The following ATP8A1 variants were observed in gnomAD, a reference collection of about 807,000 sequenced individuals.
ATP8A1 encodes the protein phospholipid-transporting ATPase IA.
In ATP8A1, 90 loss-of-function variants were observed where a neutral mutation model predicts 177.7. That is an observed-to-expected ratio of 0.51 (90% CI 0.43 to 0.60). The LOEUF is 0.60. Ranked by LOEUF, ATP8A1 falls within the 20% of genes least tolerant of loss-of-function variation. The probability of loss-of-function intolerance (pLI) is 0.00; values close to 1 mark genes in which losing one functional copy is unlikely to be tolerated. For missense variants in ATP8A1, 1,072 were observed against 1,392.8 expected (o/e 0.77, Z 3.67); for synonymous variants, 493 against 485.9 (o/e 1.01, Z -0.19).
intron 1 of ATP8A1, among the ~76,000 whole-genome samples, chr4:42,648,431 C>G (rs1488677085): frequency 6.6e-6 from 1 of 152,002 alleles, no homozygotes; most frequent in Non-Finnish European, 1.5e-5. Context: ...CATACGGAAG[C>G]ACCTCAAATC....
intron 35 of ATP8A1, among the ~76,000 whole-genome samples, chr4:42,420,384 A>G (rs1348986939): frequency 6.6e-6 from 1 of 152,226 alleles, no homozygotes; most frequent in African/African-American, 2.4e-5. Context: ...CTAAATAGCT[A>G]TTTTAGGCAA....
chr4:42,592,505 T>C (rs1216337568), intron 6 of ATP8A1, among the ~76,000 whole-genome samples: 4 of 152,142 alleles, frequency 2.6e-5, no homozygotes, highest in Non-Finnish European at 4.4e-5. Context: ...TATTTAACGG[T>C]TCAGCCTATA....
intron 4 of ATP8A1, among the ~76,000 whole-genome samples, chr4:42,623,006 T>C (rs1189882124): frequency 1.3e-5 from 1 of 77,916 alleles, no homozygotes; most frequent in Non-Finnish European, 3.3e-5. Context: ...CGAAACTCTG[T>C]CTCAAAAAAA....
chr4:42,454,568 C>T (rs1718273563), intron 29 of ATP8A1, among the ~76,000 whole-genome samples: 1 of 152,142 alleles, frequency 6.6e-6, no homozygotes, highest in African/African-American at 2.4e-5. Flanking sequence ...TTCCTCCTCA[C>T]TCACATTAAA....
chr4:42,448,875 G>A (rs1386167868), intron 30 of ATP8A1, among the ~76,000 whole-genome samples: 22 of 122,832 alleles, frequency 1.8e-4, no homozygotes, highest in African/African-American at 4.0e-4. Context: ...TTGTTCTGTC[G>A]CCCAGGCTGG....
At chr4:42,608,363 A>ATTT (rs748536968) in intron 5 of ATP8A1, among the ~76,000 whole-genome samples, 2 of 138,634 alleles carry the variant, frequency 1.4e-5, no homozygotes, top group Non-Finnish European at 1.5e-5. Flanking sequence ...CAATAATATC[A>ATTT]TTTTTTTTTT....
chr4:42,507,729 C>CAAAAAAAAAAAAAAAAAAA (rs34269384), intron 22 of ATP8A1, among the ~76,000 whole-genome samples: 1 of 8,908 alleles, frequency 1.1e-4, no homozygotes, highest in Non-Finnish European at 2.6e-4. Context: ...GACTCCATCT[C>CAAAAAAAAAAAAAAAAAAA]AAAAAAAAAA....
At chr4:42,656,785 C>T in intron 1 of ATP8A1, 40 bp downstream of exon 1, 23 of 1,520,288 alleles carry the variant, frequency 1.5e-5, no homozygotes, top group Non-Finnish European at 2.0e-5. Flanking sequence ...ACACTCGCTT[C>T]CCGACCCCGG....
At chr4:42,553,047 A>G (rs1729671245) in intron 16 of ATP8A1, among the ~76,000 whole-genome samples, 1 of 152,226 alleles carries the variant, frequency 6.6e-6, no homozygotes, top group African/African-American at 2.4e-5. Flanking sequence ...GCTGTTATAC[A>G]CTGGGGGTGT....
At chr4:42,476,730 TTC>T (rs1721106359) in intron 25 of ATP8A1, among the ~76,000 whole-genome samples, 1 of 152,112 alleles carries the variant, frequency 6.6e-6, no homozygotes, top group Admixed American at 6.6e-5. Flanking sequence ...AGCCAATGAT[TTC>T]TGTTTAAGGA....
chr4:42,529,525 C>G lies in ATP8A1; in HGVS notation c.1723-4678G>C, dbSNP rs543265385. Among the ~76,000 whole-genome samples, 3 of 152,308 alleles carry G rather than the reference C, an allele frequency of 2.0e-5. No homozygotes were observed. In the East Asian group the frequency reaches 5.8e-4, roughly 29 times the overall value. On this transcript the variant is annotated intron_variant, in intron 20 of 36. Transcript: ENST00000381668. ...TGGTATATACGTGATCAGGCTTGAG[C>G]AGGTCCTGAAGGCACAAGTAAGTTA...
At chr4:42,442,043 T>C (rs1326448164) in intron 33 of ATP8A1, among the ~76,000 whole-genome samples, 1 of 152,076 alleles carries the variant, frequency 6.6e-6, no homozygotes, top group Non-Finnish European at 1.5e-5. Flanking sequence ...CAGGCAAGGG[T>C]AGAATTATAT....
chr4:42,611,977 C>G (rs1577700014), intron 5 of ATP8A1, among the ~76,000 whole-genome samples: 1 of 152,094 alleles, frequency 6.6e-6, no homozygotes, highest in East Asian at 1.9e-4. Context: ...AGGTTAGATA[C>G]AAGGAAAATG....
intron 1 of ATP8A1, among the ~76,000 whole-genome samples, chr4:42,645,602 A>C (rs931589721): frequency 1.3e-5 from 2 of 152,328 alleles, no homozygotes; most frequent in East Asian, 3.9e-4. Flanking sequence ...TATCTAATTC[A>C]CTATGAAGCC....
Position 42,440,619 on chromosome 4 carries a change from T to C in ATP8A1, c.3123+2946A>G, listed in dbSNP as rs909383973. On this transcript the variant is annotated intron_variant, in intron 33 of 36. Coordinates refer to ENST00000381668, the MANE Select transcript of ATP8A1 (RefSeq NM_006095.2). ...CAGAAGAATCTCAATAGCTGTTGGA[T>C]TGATTGATTGAAAAAAAATATATAT... Among the ~76,000 whole-genome samples, 8 of 152,134 alleles carry C rather than the reference T, an allele frequency of 5.3e-5. No individual in the cohort carries two copies. The South Asian group carries it at 1.7e-3, about 32-fold the overall frequency.
intron 9 of ATP8A1, among the ~76,000 whole-genome samples, chr4:42,583,397 G>A (rs1158110045): frequency 6.6e-6 from 1 of 152,182 alleles, no homozygotes; most frequent in East Asian, 1.9e-4. Flanking sequence ...GGGGCCTTGG[G>A]CCTAAAGTGG....
chr4:42,483,007 T>C (rs1370475577), intron 25 of ATP8A1, among the ~76,000 whole-genome samples: 1 of 152,138 alleles, frequency 6.6e-6, no homozygotes, highest in African/African-American at 2.4e-5. Flanking sequence ...TGGAGTAAAA[T>C]AGAGAATTTC....
intron 35 of ATP8A1, among the ~76,000 whole-genome samples, chr4:42,421,098 G>A (rs1220809902): frequency 6.6e-6 from 1 of 152,106 alleles, no homozygotes; most frequent in African/African-American, 2.4e-5. Flanking sequence ...TTTATCGCTA[G>A]AGAAAGAGAA....
intron 29 of ATP8A1, among the ~76,000 whole-genome samples, chr4:42,452,616 G>A (rs1412817244): frequency 2.6e-5 from 4 of 152,082 alleles, no homozygotes; most frequent in Non-Finnish European, 5.9e-5. Context: ...CTTTACTAAA[G>A]GCTTTCACAA....
Sources: allele counts gnomAD v4.1 joint callset (sites outside exome capture counted in the v4.1 genomes callset), GRCh38; gene constraint gnomAD v4.1.1; transcripts MANE v1.5; gene names NCBI Gene and HGNC (gene_info 2026-07-23, HGNC 2026-07-21).